DLGAP1: variants seen among roughly 807,000 people sequenced by gnomAD.
DLGAP1 encodes the protein DLG associated protein 1.
DLGAP1 carries 11 observed loss-of-function variants against 90.8 expected under a neutral mutation model. The ratio of observed to expected loss-of-function variants is 0.12; its 90% CI spans 0.08 to 0.20. The LOEUF (loss-of-function observed/expected upper bound fraction) is 0.20, where lower values mean the gene tolerates loss of function less well. Ranked by LOEUF, DLGAP1 falls within the 10% of genes least tolerant of loss-of-function variation. DLGAP1 has a pLI of 1.00. For synonymous variants in DLGAP1, 558 were observed against 540.7 expected (o/e 1.03, Z -0.44); for missense variants, 1,050 against 1,333.8 (o/e 0.79, Z 3.31).
chr18:4,401,146 A>G (rs941887551), intron 1 of DLGAP1, among the ~76,000 whole-genome samples: 15 of 152,202 alleles, frequency 9.9e-5, no homozygotes, highest in African/African-American at 3.4e-4. Context: ...ATGGTTAATG[A>G]TCAGATCCAA....
At chr18:3,740,886 C>T (rs2062876959) in intron 6 of DLGAP1, among the ~76,000 whole-genome samples, 1 of 149,338 alleles carries the variant, frequency 6.7e-6, no homozygotes, top group African/African-American at 2.5e-5. Context: ...GTCACCATCA[C>T]AACCACCACT....
At chr18:4,107,951 C>T (rs1421005252) in intron 2 of DLGAP1, among the ~76,000 whole-genome samples, 1 of 152,120 alleles carries the variant, frequency 6.6e-6, no homozygotes, top group Non-Finnish European at 1.5e-5. Context: ...AGATGGGGTG[C>T]AGAAAATGCT....
chr18:3,651,188 CT>C (rs1351540339), intron 7 of DLGAP1, among the ~76,000 whole-genome samples: 2 of 151,382 alleles, frequency 1.3e-5, no homozygotes, highest in Non-Finnish European at 2.9e-5. Context: ...GTGAAACCCC[CT>C]CTCTACTAAA....
At chr18:3,735,951 TACA>T (rs1419123305) in intron 6 of DLGAP1, among the ~76,000 whole-genome samples, 4 of 150,530 alleles carry the variant, frequency 2.7e-5, no homozygotes, top group African/African-American at 9.8e-5. Context: ...TCTTTCTCTC[TACA>T]CACACACACA....
chr18:3,610,349 T>G (rs538771068), intron 7 of DLGAP1, among the ~76,000 whole-genome samples: 3 of 152,040 alleles, frequency 2.0e-5, no homozygotes, highest in South Asian at 2.1e-4. Context: ...CTAGGAGAGA[T>G]TAACTGAGTC....
At chr18:3,759,090 A>G (rs918328552) in intron 5 of DLGAP1, among the ~76,000 whole-genome samples, 1 of 142,308 alleles carries the variant, frequency 7.0e-6, no homozygotes, top group Non-Finnish European at 1.5e-5. Flanking sequence ...CACGGGGCAT[A>G]AATGTCATCA....
intron 1 of DLGAP1, among the ~76,000 whole-genome samples, chr18:4,153,701 A>C (rs529253926): frequency 4.1e-4 from 62 of 152,332 alleles, no homozygotes; most frequent in Middle Eastern, 3.4e-3. Context: ...TTTGGACTTC[A>C]GCTGTTTGAT....
chr18:4,215,479 C>A (rs1386063136), intron 1 of DLGAP1, among the ~76,000 whole-genome samples: 1 of 152,122 alleles, frequency 6.6e-6, no homozygotes, highest in Non-Finnish European at 1.5e-5. Context: ...ATCCAGGTTT[C>A]TGTCAGCCTT....
intron 1 of DLGAP1, among the ~76,000 whole-genome samples, chr18:4,283,681 C>A (rs956074973): frequency 2.0e-5 from 3 of 152,064 alleles, no homozygotes; most frequent in Admixed American, 1.3e-4. Flanking sequence ...GGGATAAAGA[C>A]CTTTTCTTGA....
rs752082348 is a variant in DLGAP1 at position 3,647,470 on chromosome 18, C to CT, written c.1592-65223dup. ...ACATTATCTGATTTTATTTAAGCTC[C>CT]TTTTTTTTTTTTTTAAACCGAGACT... On this transcript the variant is annotated intron_variant, in intron 7 of 12. Transcript: ENST00000315677. Among the ~76,000 whole-genome samples, 158 of 142,742 alleles carry CT rather than the reference C, an allele frequency of 1.1e-3. 1 individual carries two copies. Among genetic ancestry groups the CT allele is most frequent in the Non-Finnish European group, 1.0e-3 (65 of 65,132 alleles). The allele number at this position is 142,742 out of a possible 152,430, so 93.6% of individuals were successfully genotyped here.
rs763215898 is a variant in DLGAP1 at position 4,383,993 on chromosome 18, A to T, written c.-267+71013T>A. Among the ~76,000 whole-genome samples, 2 of 152,182 alleles carry T rather than the reference A, an allele frequency of 1.3e-5. No homozygotes were observed. The highest frequency in any genetic ancestry group is 2.9e-5 in the Non-Finnish European group (2 of 68,002). Reference sequence around the variant, plus strand: ...ACAAAAGTCAAAACAGCTTCCATACACTATGGTAATGTCATAAAATGGTAA... The same window carrying T: ...ACAAAAGTCAAAACAGCTTCCATACTCTATGGTAATGTCATAAAATGGTAA... On this transcript the variant is annotated intron_variant, in intron 1 of 12. Transcript: ENST00000315677. The surrounding 1 kb of genome is among the most constrained non-coding windows in gnomAD (Gnocchi z 4.0).
chr18:3,521,111 C>A (rs1367018066), intron 10 of DLGAP1, among the ~76,000 whole-genome samples: 3 of 152,112 alleles, frequency 2.0e-5, no homozygotes, highest in Non-Finnish European at 4.4e-5. Flanking sequence ...GTGTACTGAC[C>A]CCAGACGCTT....
intron 3 of DLGAP1, among the ~76,000 whole-genome samples, chr18:3,972,981 G>A (rs1314877828): frequency 6.6e-6 from 1 of 152,212 alleles, no homozygotes; most frequent in African/African-American, 2.4e-5. Flanking sequence ...ACTCCAAAAG[G>A]ATAACAAGCG....
At chr18:4,305,525 A>C (rs1598859983) in intron 1 of DLGAP1, among the ~76,000 whole-genome samples, 1 of 138,286 alleles carries the variant, frequency 7.2e-6, no homozygotes, top group African/African-American at 2.8e-5. Flanking sequence ...CAACAGCAAA[A>C]CTCCGTCTCA....
At chr18:4,430,081 A>G (rs1208294712) in intron 1 of DLGAP1, among the ~76,000 whole-genome samples, 1 of 152,212 alleles carries the variant, frequency 6.6e-6, no homozygotes, top group Non-Finnish European at 1.5e-5. Context: ...AACAAAGTAA[A>G]TTTCAAGAGA....
intron 4 of DLGAP1, among the ~76,000 whole-genome samples, chr18:3,855,794 A>G (rs1258534961): frequency 1.3e-5 from 2 of 152,050 alleles, no homozygotes; most frequent in African/African-American, 4.8e-5. Flanking sequence ...TTGTATTTTT[A>G]GTAGAGACGG....
intron 10 of DLGAP1, among the ~76,000 whole-genome samples, chr18:3,511,278 G>T (rs1383571595): frequency 1.4e-5 from 1 of 70,296 alleles, no homozygotes; most frequent in African/African-American, 5.2e-5. Flanking sequence ...CTGTAATGGA[G>T]GTTTTTTTTG....
chr18:4,055,847 T>C (rs1046131540), intron 2 of DLGAP1, among the ~76,000 whole-genome samples: 5 of 152,076 alleles, frequency 3.3e-5, no homozygotes, highest in Admixed American at 1.3e-4. Context: ...TATTAGAAAA[T>C]TCCAGATTGC....
chr18:4,188,645 T>C (rs918493628), intron 1 of DLGAP1, among the ~76,000 whole-genome samples: 1 of 152,170 alleles, frequency 6.6e-6, no homozygotes, highest in Admixed American at 6.5e-5. Flanking sequence ...GGACACGAAC[T>C]CATTCTTTCT....
Sources: gnomAD v4.1 joint callset for allele counts (sites outside exome capture counted in the v4.1 genomes callset) on GRCh38, gnomAD v4.1.1 for gene constraint, Gnocchi (gnomAD v3.1) non-coding constraint, MANE v1.5 for transcripts, NCBI Gene and HGNC (gene_info 2026-07-23, HGNC 2026-07-21) for gene names.